SUCLA2: variants seen among roughly 807,000 people sequenced by gnomAD.
The protein encoded by SUCLA2 is succinate-CoA ligase ADP-forming subunit beta.
In SUCLA2, 30 loss-of-function variants were observed where a neutral mutation model predicts 54.8. The observed-to-expected ratio is 0.55, with a 90% confidence interval of 0.41 to 0.74. The LOEUF (loss-of-function observed/expected upper bound fraction) is 0.74, where lower values mean the gene tolerates loss of function less well. SUCLA2 is among the 30% of genes least tolerant of loss of function. SUCLA2 has a pLI of 0.00. For missense variants in SUCLA2, 476 were observed against 562.9 expected (o/e 0.85, Z 1.56); for synonymous variants, 172 against 188.9 (o/e 0.91, Z 0.74).
intron 2 of SUCLA2, among the ~76,000 whole-genome samples, chr13:47,995,376 T>C (rs1950183348): frequency 6.6e-6 from 1 of 152,134 alleles, no homozygotes; most frequent in African/African-American, 2.4e-5. Flanking sequence ...AATAAAAAGT[T>C]TGCTTGTAAT....
intron 6 of SUCLA2, chr13:47,965,765 T>G: frequency 2.5e-6 from 1 of 393,518 alleles, no homozygotes; most frequent in Non-Finnish European, 4.5e-6. Context: ...TCAGGTTATA[T>G]AAGAGAACGT....
In SUCLA2 at chr13:47,949,586, G is replaced by C; in HGVS notation, c.1125C>G (p.Val375=). 1.9e-6 allele frequency: 3 copies of C among 1,613,302 alleles called. No homozygotes were observed. Among genetic ancestry groups the C allele is most frequent in the Admixed American group, 1.7e-5 (1 of 59,936 alleles). ...TSDKKVLAIL[V]NIFGGIMRCD... ...AGCGCATGATTCCTCCAAAAATGTT[G>C]ACCAGAATAGCCAGTACCTATGAAT... The change falls in exon 9 of 11, where the codon GTC becomes GTG. Residue 375 remains valine, a synonymous_variant. Coordinates refer to ENST00000646932, the MANE Select transcript of SUCLA2 (RefSeq NM_003850.3).
Position 47,988,973 on chromosome 13 carries a change from C to G in SUCLA2, c.280G>C (p.Asp94His). The G allele has an allele frequency of 1.9e-6, 3 of 1,613,518 alleles. No homozygotes were observed. Among genetic ancestry groups the G allele is most frequent in the Non-Finnish European group, 2.5e-6 (3 of 1,179,924 alleles). Residue 94 changes from aspartate to histidine, a missense_variant, in exon 3 of 11, where the codon GAT (aspartate) becomes CAT (histidine). This residue lies in a region of SUCLA2 where 134 missense variants were observed against 118.7 expected (regional missense o/e 1.13). Coordinates refer to ENST00000646932, the MANE Select transcript of SUCLA2 (RefSeq NM_003850.3). Reference sequence around the variant, plus strand: ...AAAACCTGTGCCTTTATCACGACATCTTTTGAACCTAGAAGAAAAACACTT... The same window carrying G: ...AAAACCTGTGCCTTTATCACGACATGTTTTGAACCTAGAAGAAAAACACTT... Reference protein sequence around the residue: ...YAIAKKLGSKDVVIKAQVLAG... With the variant: ...YAIAKKLGSKHVVIKAQVLAG...
intron 10 of SUCLA2, among the ~76,000 whole-genome samples, chr13:47,947,863 A>C (rs1417333270): frequency 2.6e-5 from 4 of 152,186 alleles, no homozygotes; most frequent in African/African-American, 9.7e-5. Context: ...TTTTTCAACA[A>C]ATAAACCACA....
chr13:47,986,761 A>G (rs980209219), intron 4 of SUCLA2, among the ~76,000 whole-genome samples: 1 of 152,028 alleles, frequency 6.6e-6, no homozygotes, highest in East Asian at 1.9e-4. Flanking sequence ...AATTTTCTGC[A>G]TGGCTAGCCT....
At chr13:47,964,669 A>G (rs954675402) in intron 6 of SUCLA2, among the ~76,000 whole-genome samples, 21 of 152,236 alleles carry the variant, frequency 1.4e-4, no homozygotes, top group East Asian at 9.7e-4. Context: ...CATCCTGGCT[A>G]ACACGGTGAA....
chr13:47,965,581 C>T (rs1949911827), intron 6 of SUCLA2: 1 of 397,490 alleles, frequency 2.5e-6, no homozygotes, highest in Non-Finnish European at 4.4e-6. Context: ...ATCAAACTTC[C>T]AGATCTGTTC....
At chr13:47,953,398 T>C (rs576335316) in intron 8 of SUCLA2, among the ~76,000 whole-genome samples, 1 of 152,314 alleles carries the variant, frequency 6.6e-6, no homozygotes, top group South Asian at 2.1e-4. Context: ...AGAAATATAG[T>C]TCTAATAAAA....
intron 5 of SUCLA2, chr13:47,972,185 G>C (rs965969308): frequency 2.4e-4 from 64 of 271,266 alleles, no homozygotes; most frequent in Admixed American, 4.3e-4. Context: ...AACTCAGAAG[G>C]CAGAGGTTGG....
intron 4 of SUCLA2, among the ~76,000 whole-genome samples, chr13:47,983,000 G>A (rs775233106): frequency 2.0e-4 from 31 of 151,994 alleles, no homozygotes; most frequent in Non-Finnish European, 3.8e-4. Flanking sequence ...GGTAACCTGG[G>A]GACCACCAAA....
chr13:47,958,664 C>T (rs978521440), intron 6 of SUCLA2, among the ~76,000 whole-genome samples: 3 of 152,164 alleles, frequency 2.0e-5, no homozygotes, highest in Middle Eastern at 3.4e-3. Context: ...CCAGCCAAAA[C>T]AAAATGATCT....
chr13:47,989,843 G>C lies in SUCLA2; in HGVS notation c.272-862C>G, dbSNP rs139626515. Among the ~76,000 whole-genome samples, 6 of 152,306 alleles carry C rather than the reference G, an allele frequency of 3.9e-5. No individual in the cohort carries two copies. The East Asian group carries it at 9.6e-4, about 24-fold the overall frequency. On this transcript the variant is annotated intron_variant, in intron 2 of 10. Coordinates refer to ENST00000646932, the MANE Select transcript of SUCLA2 (RefSeq NM_003850.3). ...ATTATTGAGCAGTACTGCATGAGTA[G>C]TACTATCAGGAGTTATTAAGGTATC...
chr13:47,961,093 A>G (rs1298021316), intron 6 of SUCLA2, among the ~76,000 whole-genome samples: 1 of 152,220 alleles, frequency 6.6e-6, no homozygotes, highest in Non-Finnish European at 1.5e-5. Flanking sequence ...CCAGTTATTA[A>G]AAGTTTATGG....
chr13:47,972,992 C>T (rs751053101), intron 5 of SUCLA2, among the ~76,000 whole-genome samples: 4 of 151,774 alleles, frequency 2.6e-5, no homozygotes, highest in Non-Finnish European at 4.4e-5. Flanking sequence ...CCTCATGATC[C>T]GCCCACTTTG....
intron 10 of SUCLA2, among the ~76,000 whole-genome samples, chr13:47,946,688 T>A (rs1949735129): frequency 6.6e-6 from 1 of 152,052 alleles, no homozygotes; most frequent in African/African-American, 2.4e-5. Context: ...ATCCACTAAG[T>A]TGTGGGACAT....
chr13:47,975,506 T>C (rs1321028278), intron 4 of SUCLA2, among the ~76,000 whole-genome samples: 1 of 152,096 alleles, frequency 6.6e-6, no homozygotes, highest in Admixed American at 6.6e-5. Flanking sequence ...TCATTTAAAG[T>C]ATAAATTAAA....
At chr13:47,976,436 G>A (rs1446631688) in intron 4 of SUCLA2, among the ~76,000 whole-genome samples, 1 of 152,172 alleles carries the variant, frequency 6.6e-6, no homozygotes, top group Non-Finnish European at 1.5e-5. Context: ...AAAGAGAAGA[G>A]TAGAACACAT....
Position 48,001,256 on chromosome 13 carries a change from A to C in SUCLA2, c.14T>G (p.Met5Arg). MAASMFYGRLVAVAT... is the reference protein window; with the variant it reads MAASRFYGRLVAVAT... ...CACGGCCACTAGCCTGCCGTAGAAC[A>C]TGGAGGCCGCCATTTCTGAGTCGGA... The change falls in exon 1 of 11, where the codon ATG becomes AGG. Residue 5 changes from methionine to arginine, a missense_variant. Physicochemically the swap from Met to Arg is moderately conservative, Grantham distance 91. Around this residue, in one of 2 missense-constraint regions of SUCLA2, gnomAD observed 134 missense variants for 118.7 expected, o/e 1.13. Coordinates refer to ENST00000646932, the MANE Select transcript of SUCLA2 (RefSeq NM_003850.3). The C allele has an allele frequency of 6.2e-7, 1 of 1,603,634 alleles. No homozygotes were observed. Among genetic ancestry groups the C allele is most frequent in the South Asian group, 1.1e-5 (1 of 89,370 alleles).
At chr13:47,964,617 G>T (rs1350941961) in intron 6 of SUCLA2, among the ~76,000 whole-genome samples, 1 of 152,184 alleles carries the variant, frequency 6.6e-6, no homozygotes, top group African/African-American at 2.4e-5. Context: ...CAGCACTTTG[G>T]GAGGCCAAGG....
Sources: gnomAD v4.1 joint callset for allele counts (sites outside exome capture counted in the v4.1 genomes callset) on GRCh38, gnomAD v4.1.1 for gene constraint, gnomAD v4.1.1 regional missense constraint, MANE v1.5 for transcripts, NCBI Gene and HGNC (gene_info 2026-07-23, HGNC 2026-07-21) for gene names.